The following MAP1B variants were observed in gnomAD, a reference collection of about 807,000 sequenced individuals.
MAP1B encodes microtubule associated protein 1B, also known as microtubule-associated protein 1B.
A neutral mutation model predicts 176.1 loss-of-function variants in MAP1B; 12 were observed. That is an observed-to-expected ratio of 0.07 (90% CI 0.04 to 0.11). MAP1B has a LOEUF of 0.11. MAP1B is among the 10% of genes least tolerant of loss of function. The pLI is 1.00. For missense variants in MAP1B, 2,523 were observed against 2,990.5 expected (o/e 0.84, Z 3.65); for synonymous variants, 1,044 against 1,135.0 (o/e 0.92, Z 1.61).
rs1310630057 is a variant in MAP1B at position 72,125,348 on chromosome 5, AAGAG to A, written c.286+9559_286+9562del. On this transcript the variant is annotated intron_variant, in intron 2 of 6. Transcript: ENST00000296755. ...TGTGTGTGTTTGCATACATGAGAGA[AAGAG>A]AGAGAGAGAAAACCTTATCTGTTCT... is the stretch of plus-strand genomic sequence containing the variant. Among the ~76,000 whole-genome samples the A allele has an allele frequency of 6.6e-5, 10 of 152,048 alleles. No individual in the cohort carries two copies. The South Asian group carries it at 8.3e-4, about 13-fold the overall frequency.
intron 2 of MAP1B, among the ~76,000 whole-genome samples, chr5:72,128,014 A>G (rs1169164698): frequency 2.0e-5 from 3 of 152,170 alleles, no homozygotes; most frequent in Non-Finnish European, 4.4e-5. Flanking sequence ...TCTTTTTTTA[A>G]AAAAGGACAT....
chr5:72,186,520 T>C lies in MAP1B; in HGVS notation c.370-94T>C. 6.8e-7 allele frequency: 1 copy of C among 1,471,720 alleles called. No individual in the cohort carries two copies. The highest frequency in any genetic ancestry group is 9.2e-7 in the Non-Finnish European group (1 of 1,087,010). The allele number at this position is 1,471,720 out of a possible 1,614,324, so 91.2% of individuals were successfully genotyped here. A position where few individuals can be genotyped will look rare whatever the true frequency, so the allele number is the denominator to read the frequency against. On this transcript the variant is annotated intron_variant, in intron 3 of 6. Transcript: ENST00000296755. The surrounding 1 kb of genome is among the most constrained non-coding windows in gnomAD (Gnocchi z 4.3). ...GGGAATGAATGCTTTTTGCTGGTAA[T>C]AAACTCCCATGGCTCCGAAGGCTAG...
chr5:72,116,631 A>G (rs1745443150), intron 2 of MAP1B, among the ~76,000 whole-genome samples: 1 of 152,174 alleles, frequency 6.6e-6, no homozygotes, highest in South Asian at 2.1e-4. Context: ...AGGAATTATG[A>G]GACAGTTTCT....
chr5:72,142,664 A>AT lies in MAP1B; in HGVS notation c.286+26873dup, dbSNP rs200942214. ...AGACATGAAATAAAAGAAAAAAGGG[A>AT]TTTTTTTTCAGGAAAAAAAGTGCTC... On this transcript the variant is annotated intron_variant, in intron 2 of 6. Coordinates refer to ENST00000296755, the MANE Select transcript of MAP1B (RefSeq NM_005909.5). Among the ~76,000 whole-genome samples the AT allele has an allele frequency of 5.6e-3, 852 of 151,744 alleles. 2 individuals carry two copies. The highest frequency in any genetic ancestry group is 7.7e-3 in the African/African-American group (320 of 41,384).
chr5:72,178,977 C>CA (rs1284987510), intron 2 of MAP1B, among the ~76,000 whole-genome samples: 2 of 152,016 alleles, frequency 1.3e-5, no homozygotes, highest in South Asian at 2.1e-4. Flanking sequence ...CAACAACAGC[C>CA]AAAAAATGCA....
At chr5:72,137,576 T>TTGAAAATACCTTTTG (rs1321118224) in intron 2 of MAP1B, among the ~76,000 whole-genome samples, 2 of 152,206 alleles carry the variant, frequency 1.3e-5, no homozygotes, top group African/African-American at 4.8e-5. Context: ...AGATGTCTGT[T>TTGAAAATACCTTTTG]TGAAAATACC....
intron 1 of MAP1B, among the ~76,000 whole-genome samples, chr5:72,109,491 TA>T (rs1745271188): frequency 6.6e-6 from 1 of 152,214 alleles, no homozygotes; most frequent in Admixed American, 6.5e-5. Context: ...TTTTTTTCTT[TA>T]AAAAATTATT....
At chr5:72,159,268 T>C (rs1363574183) in intron 2 of MAP1B, among the ~76,000 whole-genome samples, 2 of 152,206 alleles carry the variant, frequency 1.3e-5, no homozygotes, top group Non-Finnish European at 2.9e-5. Flanking sequence ...GAAAAAAAAC[T>C]GTAGAAAGGT....
At chr5:72,171,389 A>G (rs549107662) in intron 2 of MAP1B, among the ~76,000 whole-genome samples, 1 of 151,816 alleles carries the variant, frequency 6.6e-6, no homozygotes, top group African/African-American at 2.4e-5. Context: ...AGAGTTTGAG[A>G]CCAGCCTGGG....
Position 72,197,594 on chromosome 5 carries a change from T to A in MAP1B, c.4239T>A (p.Phe1413Leu), listed in dbSNP as rs1747214399. The A allele has an allele frequency of 6.2e-7, 1 of 1,614,082 alleles. No homozygotes were observed. Among genetic ancestry groups the A allele is most frequent in the African/African-American group, 1.3e-5 (1 of 74,924 alleles). The change falls in exon 5 of 7, where the codon TTT becomes TTA. Residue 1413 changes from phenylalanine to leucine, a missense_variant. Phe to Leu is a conservative substitution (Grantham distance 22). Around this residue, in one of 4 missense-constraint regions of MAP1B, gnomAD observed 1,925 missense variants for 2,126.0 expected, o/e 0.91. Transcript: ENST00000296755. Reference sequence around the variant, plus strand: ...GATCCGAGTCTGCTTATGAAAGTTTTCTAAGTGCTGATGACAAGGCTTCTG... The same window carrying A: ...GATCCGAGTCTGCTTATGAAAGTTTACTAAGTGCTGATGACAAGGCTTCTG... ...LIGSESAYES[F>L]LSADDKASGR...
chr5:72,141,688 G>A (rs1745949026), intron 2 of MAP1B, among the ~76,000 whole-genome samples: 1 of 152,140 alleles, frequency 6.6e-6, no homozygotes, highest in Non-Finnish European at 1.5e-5. Context: ...CATAGAATCA[G>A]TCTGTCTGGA....
chr5:72,147,488 C>G (rs1746067541), intron 2 of MAP1B, among the ~76,000 whole-genome samples: 1 of 151,928 alleles, frequency 6.6e-6, no homozygotes, highest in East Asian at 1.9e-4. Context: ...AAAGGGGTCT[C>G]TACCCTTATG....
chr5:72,124,447 C>T (rs1745587502), intron 2 of MAP1B, among the ~76,000 whole-genome samples: 1 of 152,120 alleles, frequency 6.6e-6, no homozygotes, highest in Admixed American at 6.5e-5. Flanking sequence ...ACAAGAGCGT[C>T]TACATGTGAT....
intron 2 of MAP1B, among the ~76,000 whole-genome samples, chr5:72,168,835 C>T (rs1291784860): frequency 6.6e-6 from 1 of 152,160 alleles, no homozygotes; most frequent in Non-Finnish European, 1.5e-5. Flanking sequence ...TGAAAATGCC[C>T]ATTGGCCAGA....
chr5:72,118,458 GT>G (rs1745470213), intron 2 of MAP1B, among the ~76,000 whole-genome samples: 1 of 152,190 alleles, frequency 6.6e-6, no homozygotes, highest in Admixed American at 6.5e-5. Flanking sequence ...TGCTTGGTGA[GT>G]GAGGACACTG....
rs1257864490 is a variant in MAP1B, at chr5:72,208,061, AC to A, written c.*2824del. The stretch of plus-strand genomic sequence containing the variant: ...TCTTTTTCCTATGAAATCTATCAGT[AC>A]CTTTCTCCATCCGTTGTTCTCAATA... On this transcript the variant is annotated 3_prime_UTR_variant, in exon 7 of 7. Coordinates refer to ENST00000296755, the MANE Select transcript of MAP1B (RefSeq NM_005909.5). 8.7e-5 allele frequency: 9 copies of A among 102,860 alleles called. No homozygotes were observed. Among genetic ancestry groups the A allele is most frequent in the Admixed American group, 6.8e-4 (8 of 11,690 alleles). 6.4% of individuals were successfully genotyped at this position (102,860 alleles called of 1,614,324 possible).
chr5:72,166,238 C>T (rs17301591), intron 2 of MAP1B, among the ~76,000 whole-genome samples: 23,826 of 152,148 alleles, frequency 0.16, 2,334 homozygotes, highest in Middle Eastern at 0.26. Flanking sequence ...GTAATAGCTT[C>T]TGTGGCTTGT....
chr5:72,155,022 T>C (rs1222393017), intron 2 of MAP1B, among the ~76,000 whole-genome samples: 1 of 152,252 alleles, frequency 6.6e-6, no homozygotes, highest in Non-Finnish European at 1.5e-5. Context: ...GGAGGGCATA[T>C]CCTGCGAAGG....
rs776597827 is a variant in MAP1B at position 72,199,215 on chromosome 5, G to A, written c.5860G>A (p.Gly1954Arg). The change falls in exon 5 of 7, where the codon GGG becomes AGG. Residue 1954 changes from glycine (G) to arginine (R), a missense_variant. Gly to Arg is a moderately radical substitution (Grantham distance 125). This residue lies in a region of MAP1B where 1,925 missense variants were observed against 2,126.0 expected (regional missense o/e 0.91). Transcript: ENST00000296755. This position sits in a 1 kb window ranked among gnomAD's most constrained non-coding sequence, Gnocchi z 4.2. The stretch of plus-strand genomic sequence containing the variant: ...GACCACACGGACCCCTGAAGAGGGT[G>A]GGTACTCATATGACATAAGTGAAAA... ...EKTTRTPEEG[G>R]YSYDISEKTT... The A allele has an allele frequency of 1.7e-5, 27 of 1,613,984 alleles. No individual in the cohort carries two copies. In the South Asian group the frequency reaches 2.9e-4, roughly 17 times the overall value.
Sources: allele counts gnomAD v4.1 joint callset (sites outside exome capture counted in the v4.1 genomes callset), GRCh38; gene constraint gnomAD v4.1.1; regional missense constraint gnomAD v4.1.1; non-coding constraint Gnocchi (gnomAD v3.1); transcripts MANE v1.5; gene names NCBI Gene and HGNC (gene_info 2026-07-23, HGNC 2026-07-21).